PARD3B: variants seen among roughly 807,000 people sequenced by gnomAD.
The protein encoded by PARD3B is partitioning defective 3 homolog B.
A neutral mutation model predicts 130.2 loss-of-function variants in PARD3B; 103 were observed. The ratio of observed to expected loss-of-function variants is 0.79; its 90% CI spans 0.67 to 0.93. The LOEUF is 0.93. PARD3B is among the 40% of genes least tolerant of loss of function. The probability of loss-of-function intolerance (pLI) is 0.00; values close to 1 mark genes in which losing one functional copy is unlikely to be tolerated. For missense variants in PARD3B, 1,609 were observed against 1,499.2 expected, an observed-to-expected ratio of 1.07 and a Z score of -1.21; for synonymous variants, 583 against 553.2, an observed-to-expected ratio of 1.05 and a Z score of -0.76.
At chr2:205,080,240 C>T (rs2060398) in intron 4 of PARD3B, among the ~76,000 whole-genome samples, 117,411 of 152,086 alleles carry the variant, frequency 0.77, 45,615 homozygotes, top group East Asian at 0.97. Flanking sequence ...GTCAACTTTA[C>T]AGAATATCTA....
chr2:205,587,263 G>A (rs755478056), intron 22 of PARD3B, among the ~76,000 whole-genome samples: 4 of 152,234 alleles, frequency 2.6e-5, no homozygotes, highest in East Asian at 1.9e-4. Context: ...CCATTTCTTC[G>A]TAAGCCACAA....
rs1241842160 is a variant in PARD3B, at chr2:205,405,941, CT to C, written c.2741+4819del. On this transcript the variant is annotated intron_variant, in intron 19 of 22. Coordinates refer to ENST00000406610, the MANE Select transcript of PARD3B (RefSeq NM_001302769.2). The surrounding 1 kb of genome is among the most constrained non-coding windows in gnomAD (Gnocchi z 4.1). Reference sequence around the variant, plus strand: ...TGGATATGCCTGCCAAAAGCTTAATCTGGTCCTAAGCTACATTACTGGAAGT... The same window carrying C: ...TGGATATGCCTGCCAAAAGCTTAATCGGTCCTAAGCTACATTACTGGAAGT... Among the ~76,000 whole-genome samples, 1 of 152,200 alleles carries C rather than the reference CT, an allele frequency of 6.6e-6. No individual in the cohort carries two copies. The highest frequency in any genetic ancestry group is 2.4e-5 in the African/African-American group (1 of 41,460).
chr2:205,156,862 G>C (rs1559493821), intron 10 of PARD3B, among the ~76,000 whole-genome samples: 1 of 152,152 alleles, frequency 6.6e-6, no homozygotes, highest in African/African-American at 2.4e-5. Flanking sequence ...AATGCAACCT[G>C]ATTTCTATTT....
At chr2:205,165,254 G>A (rs2034740298) in intron 11 of PARD3B, among the ~76,000 whole-genome samples, 1 of 152,114 alleles carries the variant, frequency 6.6e-6, no homozygotes, top group African/African-American at 2.4e-5. Flanking sequence ...AGAAAAAAGT[G>A]TAAAACAAGC....
chr2:205,404,073 A>G (rs563822615), intron 19 of PARD3B, among the ~76,000 whole-genome samples: 130 of 152,310 alleles, frequency 8.5e-4, no homozygotes, highest in African/African-American at 3.0e-3. Flanking sequence ...TATTAAAACC[A>G]TACATAACTC....
intron 20 of PARD3B, among the ~76,000 whole-genome samples, chr2:205,441,545 C>G (rs998478276): frequency 2.0e-5 from 3 of 152,164 alleles, no homozygotes; most frequent in Admixed American, 6.5e-5. Flanking sequence ...ACAGAGGGCT[C>G]TCATTCTGGA....
chr2:204,610,998 C>T lies in PARD3B; in HGVS notation c.120+64879C>T, dbSNP rs536325297. ...CGAAATCATTTCTCTCATACCATCC[C>T]TCCAGCAGCGGTCAGAGAATTGAGT... On this transcript the variant is annotated intron_variant, in intron 1 of 22. Coordinates refer to ENST00000406610, the MANE Select transcript of PARD3B (RefSeq NM_001302769.2). This position sits in a 1 kb window ranked among gnomAD's most constrained non-coding sequence, Gnocchi z 4.1. Among the ~76,000 whole-genome samples, 333 of 152,278 alleles carry T rather than the reference C, an allele frequency of 2.2e-3. 3 individuals are homozygous for T. Among genetic ancestry groups the T allele is most frequent in the African/African-American group, 7.3e-3 (304 of 41,566 alleles).
intron 20 of PARD3B, among the ~76,000 whole-genome samples, chr2:205,483,845 G>T (rs1182683953): frequency 6.6e-6 from 1 of 151,956 alleles, no homozygotes; most frequent in Admixed American, 6.6e-5. Context: ...TTCTAGCTAG[G>T]GGGCAGTGGG....
intron 16 of PARD3B, among the ~76,000 whole-genome samples, chr2:205,297,835 T>C (rs150649677): frequency 1.4e-4 from 22 of 152,340 alleles, no homozygotes; most frequent in African/African-American, 4.8e-4. Flanking sequence ...CCAATAGAGT[T>C]AGGTTGTAAT....
intron 2 of PARD3B, among the ~76,000 whole-genome samples, chr2:204,916,670 A>G (rs193038290): frequency 1.5e-3 from 223 of 152,266 alleles, no homozygotes; most frequent in African/African-American, 5.0e-3. Flanking sequence ...AAAAAGATTC[A>G]CTGTAGGGAA....
intron 18 of PARD3B, among the ~76,000 whole-genome samples, chr2:205,363,893 C>T (rs1028853170): frequency 6.7e-5 from 9 of 135,024 alleles, no homozygotes; most frequent in Admixed American, 4.6e-4. Context: ...TCTTGAACTC[C>T]TGACCTCAAG....
intron 2 of PARD3B, among the ~76,000 whole-genome samples, chr2:204,963,033 C>G (rs889939481): frequency 6.6e-6 from 1 of 152,150 alleles, no homozygotes; most frequent in Admixed American, 6.5e-5. Context: ...AAATTACAGA[C>G]AGTAGACAGT....
At chr2:205,347,294 T>C (rs866155693) in intron 18 of PARD3B, among the ~76,000 whole-genome samples, 4 of 152,080 alleles carry the variant, frequency 2.6e-5, no homozygotes, top group South Asian at 2.1e-4. Flanking sequence ...CCATTGAAAA[T>C]GGTGGTTGTC....
intron 1 of PARD3B, among the ~76,000 whole-genome samples, chr2:204,602,680 G>A (rs2033560932): frequency 6.6e-6 from 1 of 151,622 alleles, no homozygotes; most frequent in Non-Finnish European, 1.5e-5. Context: ...TGTGTAAAGG[G>A]CTCTGTGTTG....
At position 205,124,521 on chromosome 2, in the gene PARD3B, C is replaced by A. The variant is rs987736487; in HGVS notation, c.1305+55C>A. The A allele has an allele frequency of 3.7e-6, 5 of 1,343,430 alleles. No individual in the cohort carries two copies. The Admixed American group carries it at 1.2e-4, about 32-fold the overall frequency. The allele number at this position is 1,343,430 out of a possible 1,614,324, so 83.2% of individuals were successfully genotyped here. On this transcript the variant is annotated intron_variant, in intron 9 of 22. Coordinates refer to ENST00000406610, the MANE Select transcript of PARD3B (RefSeq NM_001302769.2). ...AATATTTCTTGGCATTTAAATAATG[C>A]CATTTAATTGCATTGAAATATATGT...
Position 205,013,290 on chromosome 2 carries a change from C to A in PARD3B, c.395-34291C>A, listed in dbSNP as rs144013157. Among the ~76,000 whole-genome samples the A allele has an allele frequency of 1.6e-3, 237 of 152,248 alleles. 1 individual carries two copies. Among genetic ancestry groups the A allele is most frequent in the African/African-American group, 5.2e-3 (216 of 41,562 alleles). Reference sequence around the variant, plus strand: ...CGGTGCTCTTTTGTTCGTCTGTCTTCTTCTAGTATTTATAATTGATAACTG... The same window carrying A: ...CGGTGCTCTTTTGTTCGTCTGTCTTATTCTAGTATTTATAATTGATAACTG... On this transcript the variant is annotated intron_variant, in intron 3 of 22. Coordinates refer to ENST00000406610, the MANE Select transcript of PARD3B (RefSeq NM_001302769.2).
At chr2:205,600,602 C>T (rs2054746038) in intron 22 of PARD3B, among the ~76,000 whole-genome samples, 1 of 152,208 alleles carries the variant, frequency 6.6e-6, no homozygotes, top group Non-Finnish European at 1.5e-5. Context: ...ATCAACCCAT[C>T]ACCTCGGTAT....
chr2:204,796,565 A>C (rs1199181859), intron 2 of PARD3B, among the ~76,000 whole-genome samples: 1 of 152,232 alleles, frequency 6.6e-6, no homozygotes, highest in Non-Finnish European at 1.5e-5. Flanking sequence ...TGCCCAGCAC[A>C]AAGTGAGCTG....
intron 4 of PARD3B, among the ~76,000 whole-genome samples, chr2:205,072,088 G>T (rs774387104): frequency 2.0e-5 from 3 of 151,840 alleles, no homozygotes; most frequent in Non-Finnish European, 2.9e-5. Flanking sequence ...AATTCATCTT[G>T]TTGTAAAGAA....
Sources: allele counts gnomAD v4.1 joint callset (sites outside exome capture counted in the v4.1 genomes callset), GRCh38; gene constraint gnomAD v4.1.1; non-coding constraint Gnocchi (gnomAD v3.1); transcripts MANE v1.5; gene names NCBI Gene and HGNC (gene_info 2026-07-23, HGNC 2026-07-21).